The following MAP3K1 variants were observed in gnomAD, a reference collection of about 807,000 sequenced individuals.
MAP3K1 encodes MAP/ERK kinase kinase 1.
A neutral mutation model predicts 144.2 loss-of-function variants in MAP3K1; 36 were observed. That is an observed-to-expected ratio of 0.25 (90% confidence interval 0.19 to 0.33). The LOEUF (loss-of-function observed/expected upper bound fraction) is 0.33, where lower values mean the gene tolerates loss of function less well. Among genes scored for constraint, MAP3K1 ranks in the 10% least tolerant of loss-of-function variants. The probability of loss-of-function intolerance (pLI) is 1.00; values close to 1 mark genes in which losing one functional copy is unlikely to be tolerated. For missense variants in MAP3K1, 1,650 were observed against 1,881.9 expected (o/e 0.88, Z 2.28); for synonymous variants, 718 against 688.7 (o/e 1.04, Z -0.67).
chr5:56,881,849 C>T lies in MAP3K1; in HGVS notation c.2649C>T (p.Ser883=), dbSNP rs1274598605. ...VEDTLDGQQD[S]FLQASVPNNY... is the part of the protein sequence containing the mutation. ...ACACTTTGGATGGTCAACAGGACAG[C>T]TTCTTGCAGGCATCTGTTCCCAACA... The change falls in exon 14 of 20, where the codon AGC becomes AGT. Residue 883 remains serine (S), a synonymous_variant. Transcript: ENST00000399503. 6.2e-7 allele frequency: 1 copy of T among 1,614,102 alleles called. No homozygotes were observed. The highest frequency in any genetic ancestry group is 2.2e-5 in the East Asian group (1 of 44,868).
chr5:56,856,016 G>A (rs1747333551), intron 1 of MAP3K1, among the ~76,000 whole-genome samples: 1 of 152,102 alleles, frequency 6.6e-6, no homozygotes, highest in African/African-American at 2.4e-5. Flanking sequence ...CCATTTTATG[G>A]AGTAAAGATC....
intron 1 of MAP3K1, among the ~76,000 whole-genome samples, chr5:56,852,327 A>G (rs1298843814): frequency 6.6e-6 from 1 of 152,180 alleles, no homozygotes; most frequent in Non-Finnish European, 1.5e-5. Context: ...CCACATTATA[A>G]GGGGAGGACT....
chr5:56,855,448 G>A (rs1351125504), intron 1 of MAP3K1, among the ~76,000 whole-genome samples: 1 of 152,174 alleles, frequency 6.6e-6, no homozygotes. Flanking sequence ...TTCTAAAAAT[G>A]TCTAGGCCAG....
At chr5:56,859,626 CAT>C in intron 2 of MAP3K1, 87 bp from the exon 3 acceptor site, 1 of 919,276 alleles carries the variant, frequency 1.1e-6, no homozygotes, top group Admixed American at 2.1e-5. Context: ...AACAAAAACT[CAT>C]TAAGTGTATT....
Position 56,816,017 on chromosome 5 carries a change from G to A in MAP3K1, c.444G>A (p.Ala148=), listed in dbSNP as rs2111728486. 2 of 1,223,894 alleles carry A rather than the reference G, an allele frequency of 1.6e-6. No homozygotes were observed. The highest frequency in any genetic ancestry group is 4.0e-5 in the South Asian group (1 of 25,114). The allele number at this position is 1,223,894 out of a possible 1,614,324, so 75.8% of individuals were successfully genotyped here. Residue 148 remains alanine, a synonymous_variant, in exon 1 of 20, where the codon GCG becomes GCA. Transcript: ENST00000399503. ...PAAAEPGEKR[A]PAAEPSPAAA... Reference sequence around the variant, plus strand: ...CGGCCGAGCCCGGGGAGAAGCGGGCGCCCGCCGCCGAGCCGTCTCCTGCAG... The same window carrying A: ...CGGCCGAGCCCGGGGAGAAGCGGGCACCCGCCGCCGAGCCGTCTCCTGCAG...
chr5:56,883,767 G>A lies in MAP3K1; in HGVS notation c.3819+88G>A, dbSNP rs973163276. On this transcript the variant is annotated intron_variant, in intron 15 of 19. Transcript: ENST00000399503. Reference sequence around the variant, plus strand: ...AAAAGAATAAAGGATATGTCCACGTGTGTGTACTTTAGTTCTTTAAACTTT... The same window carrying A: ...AAAAGAATAAAGGATATGTCCACGTATGTGTACTTTAGTTCTTTAAACTTT... 1.6e-5 allele frequency: 21 copies of A among 1,350,632 alleles called. No homozygotes were observed. The East Asian group carries it at 4.8e-4, about 31-fold the overall frequency. 83.7% of individuals were successfully genotyped at this position (1,350,632 alleles called of 1,614,324 possible).
At chr5:56,875,460 G>A in intron 10 of MAP3K1, 150 bp downstream of exon 10, 1 of 822,746 alleles carries the variant, frequency 1.2e-6, no homozygotes, top group Non-Finnish European at 1.9e-6. Flanking sequence ...GGAAATTACA[G>A]CTTTTGTTTT....
chr5:56,826,445 A>G (rs550796796), intron 1 of MAP3K1, among the ~76,000 whole-genome samples: 1 of 152,268 alleles, frequency 6.6e-6, no homozygotes, highest in African/African-American at 2.4e-5. Context: ...TGTAAAGTGA[A>G]TCAGATTTTC....
intron 2 of MAP3K1, among the ~76,000 whole-genome samples, chr5:56,858,993 C>T (rs182554381): frequency 1.2e-4 from 18 of 149,210 alleles, no homozygotes; most frequent in Admixed American, 1.1e-3. Context: ...GAAAGGTCTG[C>T]TGAGCTTCAG....
At chr5:56,851,313 T>TATAA (rs1343711937) in intron 1 of MAP3K1, among the ~76,000 whole-genome samples, 16 of 152,236 alleles carry the variant, frequency 1.1e-4, no homozygotes, top group Admixed American at 9.8e-4. Context: ...ACTAGTGTTT[T>TATAA]AGTCAGACTA....
intron 6 of MAP3K1, among the ~76,000 whole-genome samples, chr5:56,868,367 G>A (rs1747741665): frequency 6.6e-6 from 1 of 152,080 alleles, no homozygotes; most frequent in Non-Finnish European, 1.5e-5. Context: ...GTACAAAGAT[G>A]TTTGTAATGG....
chr5:56,827,283 G>T (rs568617417), intron 1 of MAP3K1, among the ~76,000 whole-genome samples: 2 of 152,090 alleles, frequency 1.3e-5, no homozygotes, highest in Non-Finnish European at 1.5e-5. Context: ...GAATCTCAGC[G>T]CTTAGGACAA....
chr5:56,887,924 C>T (rs888269417), intron 18 of MAP3K1: 20 of 459,810 alleles, frequency 4.3e-5, no homozygotes, highest in Middle Eastern at 6.1e-4. Flanking sequence ...CTTCTTCTGT[C>T]GTGTTCATAA....
chr5:56,871,978 C>T lies in MAP3K1; in HGVS notation c.1370C>T (p.Thr457Ile), dbSNP rs1426779281. Reference sequence around the variant, plus strand: ...GGCATGCTTGATGAAGAAAGTCTTACAGTGTGTGAAGACGGCTGCAGGAAC... The same window carrying T: ...GGCATGCTTGATGAAGAAAGTCTTATAGTGTGTGAAGACGGCTGCAGGAAC... ...LLGMLDEESL[T>I]VCEDGCRNKL... The change falls in exon 7 of 20, where the codon ACA becomes ATA. Residue 457 changes from threonine to isoleucine, a missense_variant. This residue lies in a region of MAP3K1 where 125 missense variants were observed against 179.9 expected (regional missense o/e 0.69). Coordinates refer to ENST00000399503, the MANE Select transcript of MAP3K1 (RefSeq NM_005921.2). 9 of 1,613,846 alleles carry T rather than the reference C, an allele frequency of 5.6e-6. No homozygotes were observed. Among genetic ancestry groups the T allele is most frequent in the Non-Finnish European group, 5.9e-6 (7 of 1,179,780 alleles).
chr5:56,886,208 A>G, intron 17 of MAP3K1, 145 bp downstream of exon 17: 1 of 646,522 alleles, frequency 1.5e-6, no homozygotes, highest in Admixed American at 2.4e-5. Context: ...GCTCGAGACC[A>G]GCCAGGCCAA....
At chr5:56,880,053 T>A (rs1306019721) in intron 11 of MAP3K1, among the ~76,000 whole-genome samples, 2 of 152,242 alleles carry the variant, frequency 1.3e-5, no homozygotes, top group African/African-American at 4.8e-5. Flanking sequence ...ATATTGGATG[T>A]TTCCTTGTTG....
chr5:56,877,855 C>T (rs1297888986), intron 10 of MAP3K1, among the ~76,000 whole-genome samples: 1 of 152,182 alleles, frequency 6.6e-6, no homozygotes, highest in Non-Finnish European at 1.5e-5. Flanking sequence ...ATGACAGTTC[C>T]TCAGCCTTTC....
rs1748258227 is a variant in MAP3K1 at position 56,882,627 on chromosome 5, A to G, written c.3427A>G (p.Ser1143Gly). 6.2e-7 allele frequency: 1 copy of G among 1,614,054 alleles called. No homozygotes were observed. Among genetic ancestry groups the G allele is most frequent in the Non-Finnish European group, 8.5e-7 (1 of 1,180,028 alleles). ...CCTTCTTGAAGCATCTATGCCTTCA[A>G]GTGATACAACAGTAACTTTTAAGTC... ...EDLLEASMPS[S>G]DTTVTFKSEV... The change falls in exon 14 of 20, where the codon AGT (serine) becomes GGT (glycine). Residue 1143 changes from serine to glycine, a missense_variant. By Grantham distance (56) the Ser-to-Gly change is moderately conservative. Transcript: ENST00000399503.
Position 56,887,534 on chromosome 5 carries a change from TTGAG to T in MAP3K1, c.4257+17_4257+20del. ...ATGGCACCTGAGGTGAGAAGCATCT[TTGAG>T]TGTGATGACAGAAAATATTTTGGAA... On this transcript the variant is annotated intron_variant, in intron 18 of 19. Coordinates refer to ENST00000399503, the MANE Select transcript of MAP3K1 (RefSeq NM_005921.2). The T allele has an allele frequency of 6.2e-7, 1 of 1,613,976 alleles. No homozygotes were observed. The highest frequency in any genetic ancestry group is 8.5e-7 in the Non-Finnish European group (1 of 1,179,868).
Sources: allele counts gnomAD v4.1 joint callset (sites outside exome capture counted in the v4.1 genomes callset), GRCh38; gene constraint gnomAD v4.1.1; regional missense constraint gnomAD v4.1.1; transcripts MANE v1.5; gene names NCBI Gene and HGNC (gene_info 2026-07-23, HGNC 2026-07-21).